The following MGRN1 variants were observed in gnomAD, a reference collection of about 807,000 sequenced individuals.
The protein encoded by MGRN1 is E3 ubiquitin-protein ligase MGRN1.
In MGRN1, 29 loss-of-function variants were observed where a neutral mutation model predicts 69.2. The observed-to-expected ratio is 0.42, with a 90% confidence interval of 0.31 to 0.57. MGRN1 has a LOEUF of 0.57. Among genes scored for constraint, MGRN1 ranks in the 20% least tolerant of loss-of-function variants. The pLI, the probability that MGRN1 is intolerant of heterozygous loss-of-function variation, is 0.15. For synonymous variants in MGRN1, 470 were observed against 344.2 expected, an observed-to-expected ratio of 1.37 and a Z score of -4.04; for missense variants, 998 against 796.2, an observed-to-expected ratio of 1.25 and a Z score of -3.05.
intron 11 of MGRN1, among the ~76,000 whole-genome samples, chr16:4,678,759 G>A (rs947073318): frequency 6.6e-6 from 1 of 152,338 alleles, no homozygotes; most frequent in East Asian, 1.9e-4. Flanking sequence ...GTTATGAGCC[G>A]TTGGTTCTTC....
intron 16 of MGRN1, chr16:4,687,560 G>T (rs2079357577): frequency 2.7e-6 from 2 of 743,482 alleles, no homozygotes; most frequent in Admixed American, 1.2e-4. Flanking sequence ...CTGAGACCCT[G>T]TCTCAAGAAA....
intron 7 of MGRN1, among the ~76,000 whole-genome samples, chr16:4,667,821 C>T (rs1341784705): frequency 6.6e-5 from 10 of 152,126 alleles, no homozygotes; most frequent in South Asian, 2.1e-4. Context: ...CACCACTGTG[C>T]GTGCTCCCGC....
intron 1 of MGRN1, among the ~76,000 whole-genome samples, chr16:4,645,482 T>C (rs768906338): frequency 6.6e-6 from 1 of 152,168 alleles, no homozygotes; most frequent in Non-Finnish European, 1.5e-5. Context: ...TCTGAAGTTA[T>C]TGAAGCTTAA....
intron 5 of MGRN1, among the ~76,000 whole-genome samples, chr16:4,657,792 C>T (rs1204311944): frequency 7.8e-6 from 1 of 128,364 alleles, no homozygotes; most frequent in African/African-American, 3.0e-5. Flanking sequence ...GTCGCCCAGG[C>T]TGCAGTGCAG....
intron 9 of MGRN1, chr16:4,672,398 A>C: frequency 2.2e-6 from 1 of 456,716 alleles, no homozygotes; most frequent in Non-Finnish European, 4.4e-6. Context: ...CTGCCTCTTA[A>C]GATCTCTTGG....
Position 4,677,414 on chromosome 16 carries a change from G to T in MGRN1, c.956-49G>T, listed in dbSNP as rs1466392871. The T allele has an allele frequency of 2.8e-6, 4 of 1,449,188 alleles. No individual in the cohort carries two copies. In the South Asian group the frequency reaches 5.4e-5, roughly 19 times the overall value. 89.8% of individuals were successfully genotyped at this position (1,449,188 alleles called of 1,614,324 possible). A position where few individuals can be genotyped will look rare whatever the true frequency, so the allele number is the denominator to read the frequency against. ...CCCTGGGGCTGGGAGGGTCCCCTCG[G>T]GGCTGGGTGTGTCGCCTGGGCCTGA... On this transcript the variant is annotated intron_variant, in intron 10 of 16. Transcript: ENST00000262370.
At chr16:4,656,836 C>T (rs934002076) in intron 4 of MGRN1, among the ~76,000 whole-genome samples, 1 of 151,970 alleles carries the variant, frequency 6.6e-6, no homozygotes, top group Non-Finnish European at 1.5e-5. Flanking sequence ...GCTGAGATCA[C>T]AACACTGCAC....
intron 5 of MGRN1, among the ~76,000 whole-genome samples, chr16:4,657,828 C>T (rs1382398887): frequency 1.2e-4 from 17 of 147,614 alleles, no homozygotes; most frequent in Non-Finnish European, 4.4e-5. Context: ...TCACTACAAC[C>T]TCTGCCTCCT....
chr16:4,651,311 G>C (rs2078401868), intron 2 of MGRN1, among the ~76,000 whole-genome samples: 1 of 152,156 alleles, frequency 6.6e-6, no homozygotes, highest in Admixed American at 6.5e-5. Flanking sequence ...TGCTCTTCCA[G>C]GGCTTGGGGT....
At chr16:4,672,320 T>G (rs543566452) in intron 9 of MGRN1, 154 of 456,598 alleles carry the variant, frequency 3.4e-4, no homozygotes, top group Middle Eastern at 2.3e-3. Context: ...GTGCTGGGAT[T>G]TCAGGCCTGA....
At position 4,627,570 on chromosome 16, in the gene MGRN1, A is replaced by G. The variant is rs142796821; in HGVS notation, c.88+2522A>G. 8.8e-3 allele frequency among the ~76,000 whole-genome samples: 1,337 copies of G among 151,542 alleles called. 15 individuals carry two copies. Among genetic ancestry groups the G allele is most frequent in the African/African-American group, 0.027 (1,106 of 40,962 alleles). Reference sequence around the variant, plus strand: ...TGGGAGGCCAAGGCGGGCGGATCACAAGGTCAGGAGATGGAGACCATCCTG... The same window carrying G: ...TGGGAGGCCAAGGCGGGCGGATCACGAGGTCAGGAGATGGAGACCATCCTG... On this transcript the variant is annotated intron_variant, in intron 1 of 16. Coordinates refer to ENST00000262370, the MANE Select transcript of MGRN1 (RefSeq NM_015246.4).
intron 1 of MGRN1, among the ~76,000 whole-genome samples, chr16:4,640,887 T>C (rs1436213633): frequency 1.3e-5 from 2 of 152,248 alleles, no homozygotes; most frequent in Non-Finnish European, 2.9e-5. Context: ...GCTCCACCGC[T>C]GATGAGCTTG....
At chr16:4,639,065 G>C (rs1335024773) in intron 1 of MGRN1, among the ~76,000 whole-genome samples, 2 of 152,120 alleles carry the variant, frequency 1.3e-5, no homozygotes, top group Non-Finnish European at 2.9e-5. Context: ...AGCCTCACCG[G>C]GCCAGTTTCC....
chr16:4,647,672 C>G (rs73516858), intron 1 of MGRN1, among the ~76,000 whole-genome samples: 6,288 of 152,316 alleles, frequency 0.041, 435 homozygotes, highest in African/African-American at 0.14. Context: ...CCTGCAAATA[C>G]TCTGTGACTC....
intron 16 of MGRN1, among the ~76,000 whole-genome samples, chr16:4,684,835 G>A (rs1317661753): frequency 6.6e-6 from 1 of 152,238 alleles, no homozygotes; most frequent in Non-Finnish European, 1.5e-5. Flanking sequence ...CCACTGCTTA[G>A]GGAGTGTGGC....
intron 5 of MGRN1, among the ~76,000 whole-genome samples, chr16:4,660,101 G>C (rs1162697778): frequency 6.6e-6 from 1 of 152,258 alleles, no homozygotes; most frequent in African/African-American, 2.4e-5. Flanking sequence ...CAAGAGCGCA[G>C]CTGCAAGGAC....
chr16:4,642,110 C>G (rs1312973782), intron 1 of MGRN1, among the ~76,000 whole-genome samples: 1 of 146,832 alleles, frequency 6.8e-6, no homozygotes, highest in Non-Finnish European at 1.5e-5. Context: ...ATTTCCCTGT[C>G]AGCATATGAC....
intron 4 of MGRN1, among the ~76,000 whole-genome samples, chr16:4,656,306 G>A (rs1461684984): frequency 2.0e-5 from 3 of 152,206 alleles, no homozygotes; most frequent in African/African-American, 4.8e-5. Context: ...TCCCCCAGGG[G>A]CCCTGACTGA....
At chr16:4,682,649 G>A (rs1438795673) in intron 13 of MGRN1, among the ~76,000 whole-genome samples, 174 bp from the exon 14 acceptor site, 7 of 152,072 alleles carry the variant, frequency 4.6e-5, no homozygotes, top group Non-Finnish European at 8.8e-5. Flanking sequence ...GCTGTTGCCT[G>A]TTGGCCGTTT....
Sources: allele counts gnomAD v4.1 joint callset (sites outside exome capture counted in the v4.1 genomes callset), GRCh38; gene constraint gnomAD v4.1.1; transcripts MANE v1.5; gene names NCBI Gene and HGNC (gene_info 2026-07-23, HGNC 2026-07-21).